Variants in SEMA3A observed in about 807,000 individuals in gnomAD.
SEMA3A encodes the protein semaphorin 3A.
In SEMA3A, 29 loss-of-function variants were observed where a neutral mutation model predicts 97.9. The ratio of observed to expected loss-of-function variants is 0.30; its 90% CI spans 0.22 to 0.40. The LOEUF is 0.40. Ranked by LOEUF, SEMA3A falls within the 10% of genes least tolerant of loss-of-function variation. The pLI is 1.00. For missense variants in SEMA3A, 763 were observed against 951.3 expected, an observed-to-expected ratio of 0.80 and a Z score of 2.60; for synonymous variants, 321 against 323.7, an observed-to-expected ratio of 0.99 and a Z score of 0.09.
chr7:84,328,527 C>T (rs962949122), intron 2 of SEMA3A, among the ~76,000 whole-genome samples: 3 of 151,944 alleles, frequency 2.0e-5, no homozygotes, highest in East Asian at 1.9e-4. Flanking sequence ...CGCAATGTTG[C>T]TTGTAATGCA....
At chr7:84,308,017 G>A (rs1383963864) in intron 2 of SEMA3A, among the ~76,000 whole-genome samples, 1 of 151,614 alleles carries the variant, frequency 6.6e-6, no homozygotes, top group Non-Finnish European at 1.5e-5. Flanking sequence ...AAAATTTGGT[G>A]AAAACAAAAA....
In SEMA3A at chr7:84,217,661, CT is replaced by C. The variant is rs746062926; in HGVS notation, c.-82-22994del. ...GGTTTAAAAACTTTAAAGTATCTTT[CT>C]CAGATCTCTTGAGGCAAGAGTTCAA... On this transcript the variant is annotated intron_variant, in intron 3 of 3. Transcript: ENST00000424555. Among the ~76,000 whole-genome samples, 10 of 152,078 alleles carry C rather than the reference CT, an allele frequency of 6.6e-5. No homozygotes were observed. In the East Asian group the frequency reaches 1.7e-3, roughly 26 times the overall value.
Position 84,045,064 on chromosome 7 carries a change from G to A in SEMA3A, c.667+1260C>T, listed in dbSNP as rs187660147. ...AGTAGTCACTTTGAAGTATAGGATC[G>A]ATCAGAACAAAGGTTGTCACACAAC... On this transcript the variant is annotated intron_variant, in intron 6 of 16. Transcript: ENST00000265362. Among the ~76,000 whole-genome samples, 120 of 152,020 alleles carry A rather than the reference G, an allele frequency of 7.9e-4. 1 individual carries two copies. Among genetic ancestry groups the A allele is most frequent in the Non-Finnish European group, 1.5e-3 (105 of 67,928 alleles).
chr7:84,238,275 C>G (rs1215383600), intron 3 of SEMA3A, among the ~76,000 whole-genome samples: 1 of 152,058 alleles, frequency 6.6e-6, no homozygotes, highest in Non-Finnish European at 1.5e-5. Flanking sequence ...CCAAGTTGGC[C>G]AGGCTGGCCT....
intron 4 of SEMA3A, among the ~76,000 whole-genome samples, chr7:84,061,106 G>A (rs1014853263): frequency 7.9e-5 from 12 of 152,112 alleles, no homozygotes; most frequent in Admixed American, 6.5e-4. Context: ...GTATTTTTAA[G>A]TTACAGCAGC....
chr7:84,090,369 T>G (rs1794525649), intron 4 of SEMA3A, among the ~76,000 whole-genome samples: 1 of 152,192 alleles, frequency 6.6e-6, no homozygotes, highest in Non-Finnish European at 1.5e-5. Context: ...TTTCTAAAAC[T>G]TCTTTATGTA....
chr7:84,098,650 G>C (rs1474484952), intron 4 of SEMA3A, among the ~76,000 whole-genome samples: 1 of 152,084 alleles, frequency 6.6e-6, no homozygotes, highest in East Asian at 1.9e-4. Flanking sequence ...CTTTCAAGAA[G>C]GTTCTTGATA....
intron 1 of SEMA3A, among the ~76,000 whole-genome samples, chr7:84,455,016 G>A (rs1037720913): frequency 3.3e-5 from 5 of 151,964 alleles, no homozygotes; most frequent in African/African-American, 1.2e-4. Flanking sequence ...GTGTAGCTAG[G>A]TCACATTGGT....
intron 3 of SEMA3A, among the ~76,000 whole-genome samples, chr7:84,244,998 T>G (rs371521361): frequency 1.3e-5 from 2 of 152,154 alleles, no homozygotes; most frequent in East Asian, 3.9e-4. Flanking sequence ...AACCCGACCT[T>G]TCTCTCTGGC....
intron 1 of SEMA3A, among the ~76,000 whole-genome samples, chr7:84,425,006 T>C (rs1450222832): frequency 9.7e-6 from 1 of 103,506 alleles, no homozygotes; most frequent in African/African-American, 4.0e-5. Flanking sequence ...TATTTATTTA[T>C]ATATATTATT....
chr7:84,128,785 T>G (rs1795872942), intron 3 of SEMA3A, among the ~76,000 whole-genome samples: 1 of 152,106 alleles, frequency 6.6e-6, no homozygotes. Context: ...TCTGAAATTT[T>G]TTGAGCACCC....
chr7:83,968,863 T>G (rs1788817599), intron 15 of SEMA3A, among the ~76,000 whole-genome samples: 1 of 140,934 alleles, frequency 7.1e-6, no homozygotes, highest in Admixed American at 7.8e-5. Context: ...CAGGCTGGAG[T>G]GCAGTGGCAC....
intron 2 of SEMA3A, among the ~76,000 whole-genome samples, chr7:84,332,859 T>G (rs983554134): frequency 6.6e-6 from 1 of 152,156 alleles, no homozygotes; most frequent in Non-Finnish European, 1.5e-5. Flanking sequence ...TTTACATGTC[T>G]TGACTCCCTA....
At chr7:84,188,699 C>G (rs2116260068) in intron 1 of SEMA3A, among the ~76,000 whole-genome samples, 1 of 151,866 alleles carries the variant, frequency 6.6e-6, no homozygotes, top group South Asian at 2.1e-4. Context: ...TTGTTTAGTA[C>G]CATTGTTTCA....
intron 2 of SEMA3A, among the ~76,000 whole-genome samples, chr7:84,364,307 C>CCTTGTA (rs768135294): frequency 3.0e-4 from 46 of 151,524 alleles, no homozygotes; most frequent in Non-Finnish European, 5.8e-4. Context: ...CCTGAAAACA[C>CCTTGTA]CTTGTACATT....
intron 1 of SEMA3A, among the ~76,000 whole-genome samples, chr7:84,407,226 C>CA (rs1554380086): frequency 6.6e-6 from 1 of 152,142 alleles, no homozygotes; most frequent in Non-Finnish European, 1.5e-5. Flanking sequence ...AATCAATGTG[C>CA]AAAAATCACA....
intron 1 of SEMA3A, among the ~76,000 whole-genome samples, chr7:84,482,845 T>C (rs1433756422): frequency 6.6e-6 from 1 of 150,504 alleles, no homozygotes; most frequent in Non-Finnish European, 1.5e-5. Flanking sequence ...AAAAGTTACA[T>C]GATAGACTCA....
chr7:83,983,288 A>G (rs1035249873), intron 13 of SEMA3A, among the ~76,000 whole-genome samples: 5 of 150,582 alleles, frequency 3.3e-5, no homozygotes, highest in African/African-American at 1.2e-4. Flanking sequence ...CTTTTTTAAA[A>G]TGAACTTAGA....
intron 12 of SEMA3A, among the ~76,000 whole-genome samples, chr7:83,991,086 G>A (rs1473498899): frequency 6.7e-6 from 1 of 149,702 alleles, no homozygotes; most frequent in Non-Finnish European, 1.5e-5. Context: ...AAGCAATTGT[G>A]AATGGGAGTT....
Sources: allele counts gnomAD v4.1 joint callset (sites outside exome capture counted in the v4.1 genomes callset), GRCh38; gene constraint gnomAD v4.1.1; transcripts MANE v1.5; gene names NCBI Gene and HGNC (gene_info 2026-07-23, HGNC 2026-07-21).